Variants in IL1RAPL1 observed in about 807,000 individuals in gnomAD.
IL1RAPL1 encodes the protein interleukin-1 receptor accessory protein-like 1.
Under a neutral mutation model 48.4 loss-of-function variants are expected in IL1RAPL1, and 3 were observed. The observed-to-expected ratio is 0.06, with a 90% CI of 0.03 to 0.16. The LOEUF (loss-of-function observed/expected upper bound fraction) is 0.16. Among genes scored for constraint, IL1RAPL1 ranks in the 10% least tolerant of loss-of-function variants. The probability of loss-of-function intolerance (pLI) is 1.00; values close to 1 mark genes in which losing one functional copy is unlikely to be tolerated. For synonymous variants in IL1RAPL1, 185 were observed against 187.7 expected, an observed-to-expected ratio of 0.99 and a Z score of 0.12; for missense variants, 349 against 530.6, an observed-to-expected ratio of 0.66 and a Z score of 3.36.
At chrX:29,870,545 C>T (rs1409769802) in intron 6 of IL1RAPL1, among the ~76,000 whole-genome samples, 1 of 111,768 alleles carries the variant, frequency 8.9e-6, no homozygotes, top group Non-Finnish European at 1.9e-5. Flanking sequence ...CTTTTCCTTG[C>T]GTTCTGATTT....
chrX:29,206,151 A>G (rs1930661763), intron 2 of IL1RAPL1, among the ~76,000 whole-genome samples: 1 of 111,955 alleles, frequency 8.9e-6, no homozygotes, highest in Non-Finnish European at 1.9e-5. Context: ...ACTCTTGAAA[A>G]TAAGAGATTT....
At chrX:28,673,667 G>T (rs1934969922) in intron 1 of IL1RAPL1, among the ~76,000 whole-genome samples, 1 of 111,249 alleles carries the variant, frequency 9.0e-6, no homozygotes, top group Non-Finnish European at 1.9e-5. Flanking sequence ...GGAAAACATG[G>T]AGTGGGATGT....
intron 3 of IL1RAPL1, among the ~76,000 whole-genome samples, chrX:29,336,547 C>A (rs1932999710): frequency 9.1e-6 from 1 of 109,613 alleles, no homozygotes; most frequent in Non-Finnish European, 1.9e-5. Context: ...GGCCAACACT[C>A]CTATGCCAAA....
At chrX:29,476,872 C>CT (rs1198120274) in intron 5 of IL1RAPL1, among the ~76,000 whole-genome samples, 671 of 53,874 alleles carry the variant, frequency 0.012, 95 homozygotes, top group East Asian at 0.11. Flanking sequence ...TACCCATATT[C>CT]TTTTTTTTTT....
chrX:29,240,227 T>TG (rs1931395433), intron 2 of IL1RAPL1, among the ~76,000 whole-genome samples: 1 of 29,029 alleles, frequency 3.4e-5, no homozygotes, highest in South Asian at 1.5e-3. Context: ...TATATATATT[T>TG]TTTTTTTTTT....
At position 28,986,942 on chromosome X, in the gene IL1RAPL1, T is replaced by A. The variant is rs183025607; in HGVS notation, c.82+197517T>A. Reference sequence around the variant, plus strand: ...GCATGGTCATATATATATGCAAAGTTCTGTTTCAGCTTGGAGACTTTATCT... The same window carrying A: ...GCATGGTCATATATATATGCAAAGTACTGTTTCAGCTTGGAGACTTTATCT... On this transcript the variant is annotated intron_variant, in intron 2 of 10. Coordinates refer to ENST00000378993, the MANE Select transcript of IL1RAPL1 (RefSeq NM_014271.4). Among the ~76,000 whole-genome samples, 18 of 112,098 alleles carry A rather than the reference T, an allele frequency of 1.6e-4. No homozygotes were observed. In the East Asian group the frequency reaches 5.1e-3, roughly 32 times the overall value.
At chrX:29,393,735 T>TA (rs1007051334) in intron 3 of IL1RAPL1, among the ~76,000 whole-genome samples, 4 of 110,254 alleles carry the variant, frequency 3.6e-5, no homozygotes, top group South Asian at 3.8e-4. Flanking sequence ...TTTTTTTTTT[T>TA]AATTCTGTGT....
intron 2 of IL1RAPL1, among the ~76,000 whole-genome samples, chrX:29,059,061 G>T (rs192022149): frequency 1.4e-4 from 16 of 112,124 alleles, no homozygotes; most frequent in Non-Finnish European, 2.6e-4. Flanking sequence ...GCTTGTGAAG[G>T]AATTTCTCCA....
intron 5 of IL1RAPL1, among the ~76,000 whole-genome samples, chrX:29,600,469 T>G (rs1923685527): frequency 8.9e-6 from 1 of 111,858 alleles, no homozygotes; most frequent in Non-Finnish European, 1.9e-5. Flanking sequence ...GGTTGTATTT[T>G]TGTTTAGTGC....
chrX:29,215,969 C>A (rs1351562393), intron 2 of IL1RAPL1, among the ~76,000 whole-genome samples: 1 of 110,683 alleles, frequency 9.0e-6, no homozygotes, highest in Non-Finnish European at 1.9e-5. Flanking sequence ...TATCTCCTGG[C>A]CCCTCCTTCC....
chrX:29,564,374 T>C (rs1922332790), intron 5 of IL1RAPL1, among the ~76,000 whole-genome samples: 2 of 112,607 alleles, frequency 1.8e-5, no homozygotes, highest in Non-Finnish European at 3.7e-5. Context: ...CAAAACTTTT[T>C]CTATGGCTCT....
intron 2 of IL1RAPL1, among the ~76,000 whole-genome samples, chrX:29,117,552 G>C (rs899984939): frequency 4.5e-5 from 5 of 111,990 alleles, no homozygotes; most frequent in African/African-American, 1.6e-4. Context: ...GCAAGTGTAG[G>C]AAGATAAGCG....
chrX:29,833,784 A>G (rs750043172), intron 6 of IL1RAPL1, among the ~76,000 whole-genome samples: 4 of 112,048 alleles, frequency 3.6e-5, no homozygotes, highest in Non-Finnish European at 5.6e-5. Flanking sequence ...GCTGTGATCC[A>G]TTAGTGATGC....
At chrX:28,883,233 T>A (rs1922548765) in intron 2 of IL1RAPL1, among the ~76,000 whole-genome samples, 1 of 112,019 alleles carries the variant, frequency 8.9e-6, no homozygotes, top group Admixed American at 9.5e-5. Flanking sequence ...ACCTCTCTTT[T>A]TTTGTATAAA....
rs1283866046 is a variant in IL1RAPL1, at chrX:29,920,106, C to T, written c.1057+12C>T. On this transcript the variant is annotated intron_variant, in intron 8 of 10. Coordinates refer to ENST00000378993, the MANE Select transcript of IL1RAPL1 (RefSeq NM_014271.4). ...CCTTCATAAACGAGGTGAGTGTAAC[C>T]TTCTAAGCTTCGGTGGTCAACTGAA... 1.7e-6 allele frequency: 2 copies of T among 1,209,947 alleles called. No homozygotes were observed. The highest frequency in any genetic ancestry group is 2.2e-6 in the Non-Finnish European group (2 of 894,283).
chrX:29,015,859 T>C lies in IL1RAPL1; in HGVS notation c.82+226434T>C, dbSNP rs191529961. 3.9e-3 allele frequency among the ~76,000 whole-genome samples: 430 copies of C among 110,712 alleles called. 1 individual carries two copies. Among genetic ancestry groups the C allele is most frequent in the Non-Finnish European group, 5.0e-3 (262 of 52,128 alleles). On this transcript the variant is annotated intron_variant, in intron 2 of 10. Transcript: ENST00000378993. Reference sequence around the variant, plus strand: ...ATTCTGAAGTTTGTACTTTTACAATTCCTTAACTTTATACATGCTTAATTA... The same window carrying C: ...ATTCTGAAGTTTGTACTTTTACAATCCCTTAACTTTATACATGCTTAATTA...
chrX:29,477,271 G>A (rs1032542186), intron 5 of IL1RAPL1, among the ~76,000 whole-genome samples: 3 of 111,623 alleles, frequency 2.7e-5, no homozygotes, highest in Non-Finnish European at 3.8e-5. Flanking sequence ...TTGGCCTAGC[G>A]TCTGGCATAG....
At chrX:29,418,110 TA>T (rs1569307096) in intron 5 of IL1RAPL1, among the ~76,000 whole-genome samples, 510 of 43,417 alleles carry the variant, frequency 0.012, 5 homozygotes, top group Non-Finnish European at 0.016. Context: ...TATATATATA[TA>T]TATATATATA....
chrX:29,345,407 A>G (rs1174149054), intron 3 of IL1RAPL1, among the ~76,000 whole-genome samples: 1 of 111,908 alleles, frequency 8.9e-6, no homozygotes, highest in Admixed American at 9.5e-5. Flanking sequence ...TGGTTTTCAT[A>G]TTCTTAGTGT....
Sources: gnomAD v4.1 joint callset for allele counts (sites outside exome capture counted in the v4.1 genomes callset) on GRCh38, gnomAD v4.1.1 for gene constraint, MANE v1.5 for transcripts, NCBI Gene and HGNC (gene_info 2026-07-23, HGNC 2026-07-21) for gene names.